Variants in DPP10 observed in about 807,000 individuals in gnomAD.
The protein encoded by DPP10 is inactive dipeptidyl peptidase 10.
A neutral mutation model predicts 120.9 loss-of-function variants in DPP10; 33 were observed. That is an observed-to-expected ratio of 0.27 (90% confidence interval 0.21 to 0.37). The LOEUF (loss-of-function observed/expected upper bound fraction) is 0.37. Ranked by LOEUF, DPP10 falls within the 10% of genes least tolerant of loss-of-function variation. The probability of loss-of-function intolerance (pLI) is 1.00; values close to 1 mark genes in which losing one functional copy is unlikely to be tolerated. For synonymous variants in DPP10, 337 were observed against 326.1 expected (o/e 1.03, Z -0.36); for missense variants, 816 against 942.8 (o/e 0.87, Z 1.76).
At chr2:114,603,787 G>A (rs890803387) in intron 1 of DPP10, among the ~76,000 whole-genome samples, 1 of 152,052 alleles carries the variant, frequency 6.6e-6, no homozygotes, top group African/African-American at 2.4e-5. Flanking sequence ...TGGCACCATG[G>A]AAGGCAGGTT....
chr2:115,440,950 G>T (rs1196108332), intron 3 of DPP10: 2 of 152,026 alleles, frequency 1.3e-5, no homozygotes, highest in African/African-American at 2.4e-5. Context: ...TCAACTCCTG[G>T]CAGAAGCGGG....
chr2:115,611,516 T>C (rs941068243), intron 5 of DPP10, among the ~76,000 whole-genome samples: 1 of 152,168 alleles, frequency 6.6e-6, no homozygotes, highest in Non-Finnish European at 1.5e-5. Context: ...CAAGTTGACC[T>C]ATTGTTTTAC....
At position 115,637,042 on chromosome 2, in the gene DPP10, A is replaced by T. The variant is rs1230401490; in HGVS notation, c.442-52645A>T. Among the ~76,000 whole-genome samples the T allele has an allele frequency of 4.6e-5, 7 of 152,174 alleles. No homozygotes were observed. The East Asian group carries it at 1.3e-3, about 29-fold the overall frequency. Reference sequence around the variant, plus strand: ...GTACCTAGCCAATACACTTTTCCTGAGGGTAAAATATATGTTTGAACAGAT... The same window carrying T: ...GTACCTAGCCAATACACTTTTCCTGTGGGTAAAATATATGTTTGAACAGAT... On this transcript the variant is annotated intron_variant, in intron 5 of 25. Coordinates refer to ENST00000410059, the MANE Select transcript of DPP10 (RefSeq NM_020868.6).
At position 115,840,311 on chromosome 2, in the gene DPP10, G is replaced by GT. The variant is rs1396102493; in HGVS notation, c.2183-433dup. Reference sequence around the variant, plus strand: ...CTTTCTACCTAAAGCCAGATATAAGGTTTTTTGGTTTTTTTTTTTTTTTTT... The same window carrying GT: ...CTTTCTACCTAAAGCCAGATATAAGGTTTTTTTGGTTTTTTTTTTTTTTTTT... On this transcript the variant is annotated intron_variant, in intron 24 of 25. Coordinates refer to ENST00000410059, the MANE Select transcript of DPP10 (RefSeq NM_020868.6). Among the ~76,000 whole-genome samples the GT allele has an allele frequency of 5.1e-4, 17 of 33,236 alleles. 1 individual carries two copies. Among genetic ancestry groups the GT allele is most frequent in the East Asian group, 5.7e-3 (2 of 348 alleles). 21.8% of individuals were successfully genotyped at this position (33,236 alleles called of 152,430 possible).
intron 19 of DPP10, among the ~76,000 whole-genome samples, chr2:115,800,483 T>C (rs1356885029): frequency 6.6e-6 from 1 of 152,196 alleles, no homozygotes; most frequent in Non-Finnish European, 1.5e-5. Context: ...CCATTGCTTT[T>C]GGTATTTTAG....
intron 1 of DPP10, among the ~76,000 whole-genome samples, chr2:115,002,161 C>T (rs546838826): frequency 1.2e-4 from 19 of 152,048 alleles, no homozygotes; most frequent in South Asian, 8.3e-4. Context: ...CAAAACAGCA[C>T]GGTACTGGTA....
At chr2:115,650,507 A>G (rs1471678560) in intron 5 of DPP10, among the ~76,000 whole-genome samples, 1 of 151,854 alleles carries the variant, frequency 6.6e-6, no homozygotes, top group Non-Finnish European at 1.5e-5. Flanking sequence ...TTATGACTCT[A>G]GTTTCTTCTC....
At chr2:115,755,223 A>G (rs1575687544) in intron 11 of DPP10, among the ~76,000 whole-genome samples, 1 of 152,254 alleles carries the variant, frequency 6.6e-6, no homozygotes, top group East Asian at 1.9e-4. Context: ...TAAATCTAAC[A>G]ACTTAGAATA....
At chr2:115,266,256 A>G (rs2059457548) in intron 1 of DPP10, among the ~76,000 whole-genome samples, 2 of 152,202 alleles carry the variant, frequency 1.3e-5, no homozygotes, top group African/African-American at 4.8e-5. Flanking sequence ...AATTATCTCA[A>G]CATTTATCTT....
chr2:115,715,197 G>C (rs555654007), intron 7 of DPP10, among the ~76,000 whole-genome samples: 46 of 151,556 alleles, frequency 3.0e-4, no homozygotes, highest in Non-Finnish European at 4.7e-4. Context: ...AAATTAGCTG[G>C]GCGTGGTGGC....
chr2:115,006,189 G>A (rs1280244478), intron 1 of DPP10, among the ~76,000 whole-genome samples: 6 of 151,778 alleles, frequency 4.0e-5, no homozygotes, highest in South Asian at 4.2e-4. Flanking sequence ...TCACCACCAG[G>A]CCTGCCCTAA....
intron 1 of DPP10, among the ~76,000 whole-genome samples, chr2:114,867,078 C>T (rs1690301408): frequency 1.3e-5 from 2 of 152,174 alleles, no homozygotes; most frequent in Admixed American, 6.5e-5. Flanking sequence ...ATACAGGACT[C>T]ATTACATTTC....
At chr2:115,770,157 C>T (rs1169915305) in intron 13 of DPP10, among the ~76,000 whole-genome samples, 1 of 151,978 alleles carries the variant, frequency 6.6e-6, no homozygotes, top group Non-Finnish European at 1.5e-5. Context: ...CATTATTCAA[C>T]AAATAAATAA....
At chr2:115,772,800 T>C (rs1681631788) in intron 13 of DPP10, among the ~76,000 whole-genome samples, 1 of 152,186 alleles carries the variant, frequency 6.6e-6, no homozygotes, top group Non-Finnish European at 1.5e-5. Flanking sequence ...ATCAAAGGTA[T>C]AGCACCTTTT....
intron 1 of DPP10, chr2:114,828,885 A>G (rs1686803706): frequency 6.6e-6 from 1 of 152,196 alleles, no homozygotes; most frequent in Non-Finnish European, 1.5e-5. Flanking sequence ...GTTTTTGGAG[A>G]GAGATATTGA....
intron 1 of DPP10, among the ~76,000 whole-genome samples, chr2:115,048,287 C>G (rs1447507927): frequency 6.6e-6 from 1 of 151,896 alleles, no homozygotes; most frequent in Non-Finnish European, 1.5e-5. Context: ...AGTATTTTCC[C>G]CAATCTAATA....
At chr2:115,803,228 G>A (rs866026033) in intron 19 of DPP10, among the ~76,000 whole-genome samples, 1 of 152,086 alleles carries the variant, frequency 6.6e-6, no homozygotes, top group Non-Finnish European at 1.5e-5. Context: ...TTTAAAGTCT[G>A]TTTCATCTGA....
chr2:115,036,056 G>A (rs923178187), intron 1 of DPP10, among the ~76,000 whole-genome samples: 1 of 152,326 alleles, frequency 6.6e-6, no homozygotes. Flanking sequence ...ATAAAGGAGA[G>A]AGGTTTAATT....
Position 115,718,918 on chromosome 2 carries a change from C to T in DPP10, c.577-8898C>T, listed in dbSNP as rs185385614. On this transcript the variant is annotated intron_variant, in intron 7 of 25. Transcript: ENST00000410059. ...TAGATAAAACCATCTTCTAGCACTT[C>T]GACCCGCATAAATCAACACATAAGG... Among the ~76,000 whole-genome samples the T allele has an allele frequency of 4.6e-5, 7 of 152,086 alleles. No individual in the cohort carries two copies. In the East Asian group the frequency reaches 7.7e-4, roughly 17 times the overall value.
Sources: allele counts gnomAD v4.1 joint callset (sites outside exome capture counted in the v4.1 genomes callset), GRCh38; gene constraint gnomAD v4.1.1; transcripts MANE v1.5; gene names NCBI Gene and HGNC (gene_info 2026-07-23, HGNC 2026-07-21).